The following PIK3R5 variants were observed in gnomAD, a reference collection of about 807,000 sequenced individuals.
PIK3R5 encodes the protein phosphoinositide-3-kinase regulatory subunit 5.
In PIK3R5, 32 loss-of-function variants were observed where a neutral mutation model predicts 94.9. That is an observed-to-expected ratio of 0.34 (90% confidence interval 0.25 to 0.45). PIK3R5 has a LOEUF of 0.45. Among genes scored for constraint, PIK3R5 ranks in the 20% least tolerant of loss-of-function variants. PIK3R5 has a pLI of 1.00. For synonymous variants in PIK3R5, 443 were observed against 479.4 expected, an observed-to-expected ratio of 0.92 and a Z score of 0.99; for missense variants, 853 against 1,144.6, an observed-to-expected ratio of 0.75 and a Z score of 3.68.
chr17:8,887,864 G>A (rs952935229), intron 10 of PIK3R5, among the ~76,000 whole-genome samples, 181 bp from the exon 11 acceptor site: 1 of 151,068 alleles, frequency 6.6e-6, no homozygotes. Context: ...AGTCAGGTGT[G>A]GTGGTGTGCA....
At chr17:8,903,934 A>G (rs1040587831) in intron 5 of PIK3R5, among the ~76,000 whole-genome samples, 1 of 152,272 alleles carries the variant, frequency 6.6e-6, no homozygotes, top group Admixed American at 6.5e-5. Context: ...GCAAATACCT[A>G]TAAGCCAAAA....
chr17:8,920,995 C>A (rs1473007648), intron 1 of PIK3R5, among the ~76,000 whole-genome samples: 1 of 151,978 alleles, frequency 6.6e-6, no homozygotes, highest in Admixed American at 6.6e-5. Context: ...GCATGCATCA[C>A]CACGGCTGGC....
Position 8,911,512 on chromosome 17 carries a change from A to G in PIK3R5, c.-13-5T>C. 6.3e-7 allele frequency: 1 copy of G among 1,576,132 alleles called. No individual in the cohort carries two copies. The highest frequency in any genetic ancestry group is 8.6e-7 in the Non-Finnish European group (1 of 1,159,488). On this transcript the variant is annotated splice_polypyrimidine_tract_variant and splice_region_variant and intron_variant, in intron 1 of 18. Coordinates refer to ENST00000447110, the MANE Select transcript of PIK3R5 (RefSeq NM_001142633.3). The surrounding 1 kb of genome is among the most constrained non-coding windows in gnomAD (Gnocchi z 5.3). Reference sequence around the variant, plus strand: ...GGCTGCATCCTGGGTCATCGCCTGCATGGGGGACAGACGCCGGTCAGCTTG... The same window carrying G: ...GGCTGCATCCTGGGTCATCGCCTGCGTGGGGGACAGACGCCGGTCAGCTTG...
At chr17:8,902,119 T>C (rs2090296796) in intron 5 of PIK3R5, among the ~76,000 whole-genome samples, 1 of 151,490 alleles carries the variant, frequency 6.6e-6, no homozygotes, top group Non-Finnish European at 1.5e-5. Context: ...TCTTTATGAG[T>C]AGTGAGGGTG....
chr17:8,948,261 A>G (rs894029923), intron 1 of PIK3R5, among the ~76,000 whole-genome samples: 1 of 152,102 alleles, frequency 6.6e-6, no homozygotes, highest in African/African-American at 2.4e-5. Context: ...AAGCTTTACC[A>G]TGATAAGCTT....
chr17:8,938,855 T>C (rs1024667835), intron 1 of PIK3R5, among the ~76,000 whole-genome samples: 1 of 152,222 alleles, frequency 6.6e-6, no homozygotes, highest in African/African-American at 2.4e-5. Flanking sequence ...ATTGGATACA[T>C]GGGAGCTACT....
At chr17:8,887,272 A>T in intron 11 of PIK3R5, 51 bp from the exon 12 acceptor site, 1 of 1,607,378 alleles carries the variant, frequency 6.2e-7, no homozygotes. Flanking sequence ...AGGCCTGCCC[A>T]TCCTAGCTCC....
Position 8,880,926 on chromosome 17 carries a change from T to C in PIK3R5, c.2474A>G (p.Lys825Arg), listed in dbSNP as rs1219171144. ...FAVCLDQDER[K>R]ILQSVVRCEV... ...CTACCTGACTACACTCTGCAGGATC[T>C]TTCTCTCATCCTGGTCCAGGCACAC... Residue 825 changes from lysine to arginine, a missense_variant, in exon 18 of 19, where the codon AAG becomes AGG. Lys to Arg is a conservative substitution (Grantham distance 26, BLOSUM62 2). Coordinates refer to ENST00000447110, the MANE Select transcript of PIK3R5 (RefSeq NM_001142633.3). 1 of 1,614,048 alleles carries C rather than the reference T, an allele frequency of 6.2e-7. No homozygotes were observed. The highest frequency in any genetic ancestry group is 1.7e-5 in the Admixed American group (1 of 60,028).
At chr17:8,903,718 T>C (rs1036252572) in intron 5 of PIK3R5, among the ~76,000 whole-genome samples, 1 of 152,040 alleles carries the variant, frequency 6.6e-6, no homozygotes, top group Non-Finnish European at 1.5e-5. Context: ...TTAATTGCTA[T>C]TGTAAATTTT....
rs112815102 is a variant in PIK3R5 at position 8,905,325 on chromosome 17, CT to C, written c.273+343del. On this transcript the variant is annotated intron_variant, in intron 4 of 18. Transcript: ENST00000447110. The stretch of plus-strand genomic sequence containing the variant: ...GTCAGTGTACACATTTGATGCCCCC[CT>C]GTCTGGTGAATACAGGGGGTGATCA... Among the ~76,000 whole-genome samples, 329 of 55,210 alleles carry C rather than the reference CT, an allele frequency of 6.0e-3. 1 individual carries two copies. Among genetic ancestry groups the C allele is most frequent in the African/African-American group, 0.03 (299 of 9,952 alleles). 36.2% of individuals were successfully genotyped at this position (55,210 alleles called of 152,430 possible). A position where few individuals can be genotyped will look rare whatever the true frequency, so the allele number is the denominator to read the frequency against.
intron 15 of PIK3R5, among the ~76,000 whole-genome samples, chr17:8,883,138 G>A (rs1294465095): frequency 6.6e-6 from 1 of 152,240 alleles, no homozygotes; most frequent in Admixed American, 6.5e-5. Flanking sequence ...GGGAAGCCAA[G>A]GCAGGTGGAT....
intron 1 of PIK3R5, among the ~76,000 whole-genome samples, chr17:8,952,039 C>A (rs79150528): frequency 6.6e-6 from 1 of 152,186 alleles, no homozygotes; most frequent in East Asian, 1.9e-4. Flanking sequence ...AATGCAGATG[C>A]GATGGCAATT....
rs1236584270 is a variant in PIK3R5, at chr17:8,896,707, G to A, written c.413-3052C>T. On this transcript the variant is annotated intron_variant, in intron 5 of 18. Coordinates refer to ENST00000447110, the MANE Select transcript of PIK3R5 (RefSeq NM_001142633.3). This position sits in a 1 kb window ranked among gnomAD's most constrained non-coding sequence, Gnocchi z 4.0. ...CAGACTGTGAAGATCCAGGACACAG[G>A]AAAATCACTACATCTGCCATCAAGC... Among the ~76,000 whole-genome samples the A allele has an allele frequency of 2.0e-5, 3 of 152,308 alleles. No homozygotes were observed. The highest frequency in any genetic ancestry group is 4.4e-5 in the Non-Finnish European group (3 of 68,026).
intron 1 of PIK3R5, among the ~76,000 whole-genome samples, chr17:8,942,860 C>T (rs573864092): frequency 3.5e-4 from 53 of 152,062 alleles, no homozygotes; most frequent in Middle Eastern, 3.4e-3. Context: ...CCCGCCTCGG[C>T]CTCCCAAAGT....
chr17:8,880,928 T>C lies in PIK3R5; in HGVS notation c.2472A>G (p.Arg824=). The change falls in exon 18 of 19, where the codon AGA becomes AGG. Residue 824 remains arginine (R), a synonymous_variant. Transcript: ENST00000447110. ...ACCTGACTACACTCTGCAGGATCTTTCTCTCATCCTGGTCCAGGCACACAG... is the reference window on the plus strand; with the variant it reads ...ACCTGACTACACTCTGCAGGATCTTCCTCTCATCCTGGTCCAGGCACACAG... ...PFAVCLDQDE[R]KILQSVVRCE... is the part of the protein sequence containing the mutation. The C allele has an allele frequency of 6.2e-7, 1 of 1,614,040 alleles. No individual in the cohort carries two copies.
intron 2 of PIK3R5, among the ~76,000 whole-genome samples, chr17:8,910,014 T>G (rs887565099): frequency 2.6e-5 from 4 of 152,234 alleles, no homozygotes; most frequent in Non-Finnish European, 5.9e-5. Context: ...AAAGCTGCCA[T>G]GAGCACTTTG....
intron 5 of PIK3R5, among the ~76,000 whole-genome samples, chr17:8,895,202 A>G (rs1228077360): frequency 2.0e-5 from 3 of 152,200 alleles, no homozygotes; most frequent in South Asian, 2.1e-4. Flanking sequence ...CATAGCTACC[A>G]TAGCGGAGAC....
intron 1 of PIK3R5, among the ~76,000 whole-genome samples, chr17:8,930,520 G>A (rs775295731): frequency 4.6e-5 from 7 of 152,132 alleles, no homozygotes; most frequent in Admixed American, 1.3e-4. Flanking sequence ...GCTCCTGAGC[G>A]TTTATCTCAA....
At chr17:8,922,281 CA>C (rs1246849259) in intron 1 of PIK3R5, among the ~76,000 whole-genome samples, 1 of 152,188 alleles carries the variant, frequency 6.6e-6, no homozygotes, top group East Asian at 1.9e-4. Context: ...AATTGATTAT[CA>C]AATTGATTAT....
Sources: allele counts gnomAD v4.1 joint callset (sites outside exome capture counted in the v4.1 genomes callset), GRCh38; gene constraint gnomAD v4.1.1; non-coding constraint Gnocchi (gnomAD v3.1); transcripts MANE v1.5; gene names NCBI Gene and HGNC (gene_info 2026-07-23, HGNC 2026-07-21).